Variants in PSMD11 observed in about 807,000 individuals in gnomAD.
PSMD11 encodes 26S proteasome non-ATPase regulatory subunit 11.
In PSMD11, 5 loss-of-function variants were observed where a neutral mutation model predicts 62.3. The observed-to-expected ratio is 0.08, with a 90% CI of 0.04 to 0.17. The LOEUF (loss-of-function observed/expected upper bound fraction) is 0.17, where lower values mean the gene tolerates loss of function less well. PSMD11 is among the 10% of genes least tolerant of loss of function. The pLI is 1.00. For synonymous variants in PSMD11, 191 were observed against 191.8 expected (o/e 1.00, Z 0.03); for missense variants, 310 against 512.9 (o/e 0.60, Z 3.82).
chr17:32,462,372 T>C (rs1004121551), intron 3 of PSMD11, among the ~76,000 whole-genome samples: 1 of 152,222 alleles, frequency 6.6e-6, no homozygotes, highest in South Asian at 2.1e-4. Flanking sequence ...TTACTTTGAA[T>C]TTAGCTTTTC....
intron 3 of PSMD11, among the ~76,000 whole-genome samples, chr17:32,463,660 A>G (rs1907909282): frequency 6.6e-6 from 1 of 152,190 alleles, no homozygotes; most frequent in African/African-American, 2.4e-5. Context: ...TCTCCCCTTT[A>G]TTACCTGTGT....
chr17:32,456,869 G>A (rs768130118), intron 3 of PSMD11, among the ~76,000 whole-genome samples: 3 of 152,192 alleles, frequency 2.0e-5, no homozygotes, highest in Non-Finnish European at 4.4e-5. Flanking sequence ...GTTTCACCAT[G>A]TTGGTCAGGC....
chr17:32,464,193 T>A, intron 4 of PSMD11, 73 bp downstream of exon 4: 1 of 1,352,862 alleles, frequency 7.4e-7, no homozygotes. Flanking sequence ...AGTACCATCC[T>A]TATCAAAAGT....
At chr17:32,449,444 A>G (rs1301786834) in intron 2 of PSMD11, among the ~76,000 whole-genome samples, 2 of 152,264 alleles carry the variant, frequency 1.3e-5, no homozygotes, top group South Asian at 2.1e-4. Context: ...CCAAATTTCT[A>G]CTTTCCTCCA....
At chr17:32,450,777 G>A (rs1275076449) in intron 2 of PSMD11, among the ~76,000 whole-genome samples, 3 of 152,182 alleles carry the variant, frequency 2.0e-5, no homozygotes, top group Admixed American at 2.0e-4. Flanking sequence ...GAAAAATGCA[G>A]GTGGGCACAG....
intron 5 of PSMD11, among the ~76,000 whole-genome samples, chr17:32,468,780 G>A (rs183017495): frequency 2.0e-5 from 3 of 152,234 alleles, no homozygotes; most frequent in African/African-American, 7.2e-5. Context: ...CTCTAATATT[G>A]TCCTTAGGAA....
intron 1 of PSMD11, 38 bp downstream of exon 1, chr17:32,444,652 C>T: frequency 6.2e-7 from 1 of 1,608,826 alleles, no homozygotes; most frequent in Non-Finnish European, 8.5e-7. Flanking sequence ...CCCCGCCGGC[C>T]CAGCTCGGCT....
chr17:32,449,722 A>T (rs377235091), intron 2 of PSMD11, among the ~76,000 whole-genome samples: 1 of 152,232 alleles, frequency 6.6e-6, no homozygotes, highest in Non-Finnish European at 1.5e-5. Context: ...ACACAATGGG[A>T]ACTCTAAGGA....
chr17:32,451,120 C>CAAAAAAA (rs68054446), intron 2 of PSMD11, among the ~76,000 whole-genome samples: 1 of 106,390 alleles, frequency 9.4e-6, no homozygotes. Flanking sequence ...GGCTCTTTCT[C>CAAAAAAA]AAAAAAAAAA....
chr17:32,467,742 G>A (rs1009733829), intron 5 of PSMD11, among the ~76,000 whole-genome samples: 1 of 152,118 alleles, frequency 6.6e-6, no homozygotes, highest in Non-Finnish European at 1.5e-5. Context: ...CTCCTGAGTA[G>A]CTAGGACTAT....
chr17:32,479,823 G>T, intron 10 of PSMD11, 28 bp from the exon 11 acceptor site: 2 of 1,609,936 alleles, frequency 1.2e-6, no homozygotes, highest in Non-Finnish European at 1.7e-6. Context: ...AACTTTCAGT[G>T]TTGGTGTCTC....
At chr17:32,451,710 T>G (rs1298115055) in intron 2 of PSMD11, among the ~76,000 whole-genome samples, 1 of 152,182 alleles carries the variant, frequency 6.6e-6, no homozygotes, top group Non-Finnish European at 1.5e-5. Flanking sequence ...AACAGATTAT[T>G]CCAAATTCAC....
chr17:32,444,775 C>A, intron 1 of PSMD11, 161 bp downstream of exon 1: 2 of 771,856 alleles, frequency 2.6e-6, no homozygotes, highest in African/African-American at 1.8e-5. Flanking sequence ...CTCCCCAGAG[C>A]CTCCCAGGTC....
At chr17:32,447,935 C>T (rs1018095784) in intron 2 of PSMD11, among the ~76,000 whole-genome samples, 1 of 148,174 alleles carries the variant, frequency 6.7e-6, no homozygotes, top group East Asian at 2.0e-4. Flanking sequence ...GGTTGGAGTG[C>T]AGTGGTGCGA....
intron 10 of PSMD11, 139 bp from the exon 11 acceptor site, chr17:32,479,712 A>G (rs2150841022): frequency 1.0e-6 from 1 of 996,984 alleles, no homozygotes; most frequent in Non-Finnish European, 1.5e-6. Flanking sequence ...GCAGAGAACA[A>G]GAGACTTAAG....
intron 1 of PSMD11, 138 bp downstream of exon 1, chr17:32,444,752 A>C: frequency 9.3e-7 from 1 of 1,077,312 alleles, no homozygotes; most frequent in Non-Finnish European, 1.3e-6. Context: ...CCGGGGGCGC[A>C]GGCCGCTCGG....
chr17:32,446,097 A>G (rs1907323821), intron 1 of PSMD11: 1 of 152,124 alleles, frequency 6.6e-6, no homozygotes, highest in African/African-American at 2.4e-5. Flanking sequence ...TTGGCCCACT[A>G]TTCTAGGGGA....
At chr17:32,469,974 T>G (rs1378405916) in intron 6 of PSMD11, among the ~76,000 whole-genome samples, 1 of 152,138 alleles carries the variant, frequency 6.6e-6, no homozygotes, top group African/African-American at 2.4e-5. Context: ...TCATTAATGT[T>G]TGTGTTGAAT....
intron 3 of PSMD11, among the ~76,000 whole-genome samples, chr17:32,462,162 A>C (rs920933601): frequency 2.6e-5 from 4 of 152,178 alleles, no homozygotes; most frequent in Non-Finnish European, 4.4e-5. Context: ...TGAGTGTGGT[A>C]AATGGTTTAT....
Sources: allele counts gnomAD v4.1 joint callset (sites outside exome capture counted in the v4.1 genomes callset), GRCh38; gene constraint gnomAD v4.1.1; transcripts MANE v1.5; gene names NCBI Gene and HGNC (gene_info 2026-07-23, HGNC 2026-07-21).